MIPOL1: variants seen among roughly 807,000 people sequenced by gnomAD.
The protein encoded by MIPOL1 is mirror-image polydactyly gene 1 protein.
Under a neutral mutation model 60.9 loss-of-function variants are expected in MIPOL1, and 57 were observed. The ratio of observed to expected loss-of-function variants is 0.94; its 90% confidence interval spans 0.76 to 1.17. MIPOL1 has a LOEUF of 1.17. MIPOL1 is among the 50% of genes most tolerant of loss of function. The pLI, the probability that MIPOL1 is intolerant of heterozygous loss-of-function variation, is 0.00. For missense variants in MIPOL1, 551 were observed against 511.6 expected, an observed-to-expected ratio of 1.08 and a Z score of -0.74; for synonymous variants, 179 against 168.8, an observed-to-expected ratio of 1.06 and a Z score of -0.47.
intron 10 of MIPOL1, among the ~76,000 whole-genome samples, chr14:37,416,012 T>C (rs540376600): frequency 6.6e-6 from 1 of 152,154 alleles, no homozygotes; most frequent in African/African-American, 2.4e-5. Context: ...CTCTTTTATT[T>C]TCCTCTCTTC....
intron 10 of MIPOL1, among the ~76,000 whole-genome samples, chr14:37,403,289 T>C (rs1038948188): frequency 6.6e-6 from 1 of 152,118 alleles, no homozygotes; most frequent in Non-Finnish European, 1.5e-5. Flanking sequence ...CAAATTCTCA[T>C]GGGAGGTTGG....
chr14:37,217,512 G>A lies in MIPOL1; in HGVS notation c.-199+19408G>A, dbSNP rs142626490. Among the ~76,000 whole-genome samples, 647 of 152,210 alleles carry A rather than the reference G, an allele frequency of 4.3e-3. 5 individuals carry two copies. Among genetic ancestry groups the A allele is most frequent in the African/African-American group, 0.014 (601 of 41,540 alleles). ...ACATTCTCAACAAAATACTAAAACCGAGTTCAGCAATCCATTTGAAAGATC... is the reference window on the plus strand; with the variant it reads ...ACATTCTCAACAAAATACTAAAACCAAGTTCAGCAATCCATTTGAAAGATC... On this transcript the variant is annotated intron_variant, in intron 1 of 12. Transcript: ENST00000684589.
intron 11 of MIPOL1, among the ~76,000 whole-genome samples, chr14:37,494,167 T>C (rs1447028563): frequency 1.3e-5 from 2 of 152,210 alleles, no homozygotes; most frequent in East Asian, 1.9e-4. Flanking sequence ...CTTAGAATTA[T>C]AGATGTTTTG....
intron 11 of MIPOL1, among the ~76,000 whole-genome samples, chr14:37,486,966 T>C (rs970893172): frequency 2.0e-5 from 3 of 152,196 alleles, no homozygotes; most frequent in Non-Finnish European, 4.4e-5. Context: ...ATATTGACTG[T>C]GGGTTTGTCA....
At chr14:37,359,953 G>A (rs891443218) in intron 9 of MIPOL1, among the ~76,000 whole-genome samples, 1 of 152,042 alleles carries the variant, frequency 6.6e-6, no homozygotes. Flanking sequence ...ATTGGCTGTG[G>A]GTTTGTCATA....
At chr14:37,320,763 A>C (rs2088494866) in intron 9 of MIPOL1, among the ~76,000 whole-genome samples, 1 of 152,044 alleles carries the variant, frequency 6.6e-6, no homozygotes, top group South Asian at 2.1e-4. Context: ...GATCAGTTTC[A>C]AAATACTTTT....
chr14:37,307,117 A>T (rs2086849124), intron 7 of MIPOL1, among the ~76,000 whole-genome samples: 1 of 151,788 alleles, frequency 6.6e-6, no homozygotes, highest in Non-Finnish European at 1.5e-5. Flanking sequence ...GTCTTCTATT[A>T]TCTTTGGCTA....
chr14:37,345,349 C>G (rs569584408), intron 9 of MIPOL1, among the ~76,000 whole-genome samples: 1 of 152,188 alleles, frequency 6.6e-6, no homozygotes, highest in Non-Finnish European at 1.5e-5. Context: ...AAGTGATCTT[C>G]CTGCCTTTGC....
At chr14:37,510,011 T>C (rs142425561) in intron 12 of MIPOL1, among the ~76,000 whole-genome samples, 13 of 152,006 alleles carry the variant, frequency 8.6e-5, no homozygotes, top group Admixed American at 2.0e-4. Flanking sequence ...ATAGTTTATA[T>C]ATGTATATAT....
chr14:37,218,938 AAAAAG>A (rs1483935299), intron 1 of MIPOL1, among the ~76,000 whole-genome samples: 15 of 151,842 alleles, frequency 9.9e-5, no homozygotes, highest in Non-Finnish European at 2.1e-4. Context: ...AAAAAAAAAA[AAAAAG>A]AAAAAAGAAA....
intron 1 of MIPOL1, among the ~76,000 whole-genome samples, chr14:37,217,555 G>T (rs1967953022): frequency 6.6e-6 from 1 of 152,104 alleles, no homozygotes; most frequent in African/African-American, 2.4e-5. Context: ...ATGACCAAGT[G>T]GGATTTTCCC....
At chr14:37,393,472 G>T in intron 10 of MIPOL1, among the ~76,000 whole-genome samples, 1 of 151,466 alleles carries the variant, frequency 6.6e-6, no homozygotes, top group East Asian at 2.0e-4. Context: ...TTTACTATAT[G>T]AATACTTGTT....
At chr14:37,454,136 G>A (rs1229054318) in intron 11 of MIPOL1, among the ~76,000 whole-genome samples, 3 of 152,198 alleles carry the variant, frequency 2.0e-5, no homozygotes, top group South Asian at 4.1e-4. Context: ...ATTTGCCCCA[G>A]TGTCAATATC....
Position 37,547,959 on chromosome 14 carries a change from G to C in MIPOL1, c.*988G>C, listed in dbSNP as rs1453271846. 6.6e-6 allele frequency: 1 copy of C among 151,928 alleles called. No homozygotes were observed. Among genetic ancestry groups the C allele is most frequent in the African/African-American group, 2.4e-5 (1 of 41,384 alleles). 9.4% of individuals were successfully genotyped at this position (151,928 alleles called of 1,614,324 possible). A position where few individuals can be genotyped will look rare whatever the true frequency, so the allele number is the denominator to read the frequency against. The stretch of plus-strand genomic sequence containing the variant: ...GTTACCTGCTTTTTATTTTATTCCA[G>C]AAATAAGATAGTTACAGCATAGCAG... On this transcript the variant is annotated 3_prime_UTR_variant, in exon 13 of 13. Transcript: ENST00000684589.
At chr14:37,497,951 A>C (rs2095157665) in intron 11 of MIPOL1, among the ~76,000 whole-genome samples, 1 of 152,214 alleles carries the variant, frequency 6.6e-6, no homozygotes, top group Admixed American at 6.5e-5. Context: ...TTTACACATG[A>C]ATACCTAGGT....
intron 9 of MIPOL1, among the ~76,000 whole-genome samples, chr14:37,316,424 G>T (rs2087901716): frequency 6.6e-6 from 1 of 152,012 alleles, no homozygotes; most frequent in African/African-American, 2.4e-5. Context: ...GGATGATGTT[G>T]AGGGCTTTGA....
rs892478941 is a variant in MIPOL1, at chr14:37,298,743, A to G, written c.624-9313A>G. The stretch of plus-strand genomic sequence containing the variant: ...CAGATAAATGCAAATCAAAACCACA[A>G]TGAGATACCATCTCACACCAGTTAG... On this transcript the variant is annotated intron_variant, in intron 7 of 12. Coordinates refer to ENST00000684589, the MANE Select transcript of MIPOL1 (RefSeq NM_001388067.1). 7.9e-5 allele frequency among the ~76,000 whole-genome samples: 12 copies of G among 152,078 alleles called. No homozygotes were observed. The East Asian group carries it at 2.3e-3, about 29-fold the overall frequency.
At chr14:37,527,505 C>T (rs577626340) in intron 12 of MIPOL1, among the ~76,000 whole-genome samples, 1 of 152,062 alleles carries the variant, frequency 6.6e-6, no homozygotes, top group South Asian at 2.1e-4. Flanking sequence ...AGCAAATAAG[C>T]TGTCATAGTT....
chr14:37,313,886 C>T (rs966498538), intron 9 of MIPOL1, among the ~76,000 whole-genome samples: 2 of 152,094 alleles, frequency 1.3e-5, no homozygotes, highest in Admixed American at 1.3e-4. Flanking sequence ...AGCACTGTTT[C>T]TACTTTTCAG....
Sources: allele counts gnomAD v4.1 joint callset (sites outside exome capture counted in the v4.1 genomes callset), GRCh38; gene constraint gnomAD v4.1.1; transcripts MANE v1.5; gene names NCBI Gene and HGNC (gene_info 2026-07-23, HGNC 2026-07-21).